CLVS1: variants seen among roughly 807,000 people sequenced by gnomAD.
CLVS1 encodes clavesin 1.
A neutral mutation model predicts 33.1 loss-of-function variants in CLVS1; 10 were observed. That is an observed-to-expected ratio of 0.30 (90% CI 0.19 to 0.51). The LOEUF is 0.51. CLVS1 is among the 20% of genes least tolerant of loss of function. The pLI is 0.97. For missense variants in CLVS1, 343 were observed against 433.4 expected, an observed-to-expected ratio of 0.79 and a Z score of 1.85; for synonymous variants, 163 against 166.1, an observed-to-expected ratio of 0.98 and a Z score of 0.14.
At chr8:61,325,264 G>T (rs1375487526) in intron 2 of CLVS1, among the ~76,000 whole-genome samples, 2 of 151,900 alleles carry the variant, frequency 1.3e-5, no homozygotes, top group African/African-American at 2.4e-5. Context: ...AACATGTTAG[G>T]TAACTTGATT....
At chr8:61,037,209 A>G in the CLVS1 span, among the ~76,000 whole-genome samples, 20 of 152,276 alleles carry the variant, frequency 1.3e-4, no homozygotes, top group African/African-American at 4.1e-4. Context: ...GCTCAGCTCA[A>G]TGGTCTAAAG....
At chr8:61,409,588 A>G (rs917972226) in intron 3 of CLVS1, among the ~76,000 whole-genome samples, 33 of 152,352 alleles carry the variant, frequency 2.2e-4, no homozygotes, top group Middle Eastern at 3.4e-3. Flanking sequence ...CCCTTTTGCT[A>G]CTACAACCAA....
intron 2 of CLVS1, among the ~76,000 whole-genome samples, chr8:61,162,540 G>C (rs996617707): frequency 2.6e-5 from 4 of 152,178 alleles, no homozygotes; most frequent in Admixed American, 6.5e-5. Flanking sequence ...AATTCCAGTT[G>C]AATGAATGGC....
the CLVS1 span, among the ~76,000 whole-genome samples, chr8:61,032,993 G>GAA: frequency 1.7e-3 from 80 of 47,904 alleles, no homozygotes; most frequent in African/African-American, 5.9e-3. Flanking sequence ...AGGAAGGAAG[G>GAA]AAAGAAAGAA....
At chr8:61,187,435 G>A (rs1190596663) in intron 2 of CLVS1, among the ~76,000 whole-genome samples, 2 of 152,024 alleles carry the variant, frequency 1.3e-5, no homozygotes, top group Non-Finnish European at 2.9e-5. Context: ...CCATTAAAAA[G>A]CCTTCAAATC....
At chr8:61,151,147 A>G (rs1806526149) in intron 2 of CLVS1, among the ~76,000 whole-genome samples, 1 of 152,202 alleles carries the variant, frequency 6.6e-6, no homozygotes, top group Non-Finnish European at 1.5e-5. Flanking sequence ...CAGAAAGGCA[A>G]TGAGAGGGGA....
intron 2 of CLVS1, among the ~76,000 whole-genome samples, chr8:61,172,595 T>C (rs544101209): frequency 1.3e-5 from 2 of 152,286 alleles, no homozygotes; most frequent in East Asian, 3.9e-4. Flanking sequence ...AATTATTTTA[T>C]AAAAATGTGA....
At chr8:61,407,755 CT>C (rs1452409243) in intron 3 of CLVS1, among the ~76,000 whole-genome samples, 2 of 152,070 alleles carry the variant, frequency 1.3e-5, no homozygotes, top group African/African-American at 4.8e-5. Flanking sequence ...TGAGAGAATT[CT>C]TTTTTAATTC....
intron 2 of CLVS1, among the ~76,000 whole-genome samples, chr8:61,349,974 G>T (rs760361966): frequency 6.6e-6 from 1 of 152,008 alleles, no homozygotes; most frequent in Non-Finnish European, 1.5e-5. Flanking sequence ...TTTCAGGAAG[G>T]TTTAATTTTA....
chr8:61,357,489 C>CTTTTATTTTTTTTTTTTTTTTTTTTTTT (rs1462908906), intron 2 of CLVS1, among the ~76,000 whole-genome samples: 3 of 30,284 alleles, frequency 9.9e-5, no homozygotes, highest in Non-Finnish European at 2.2e-4. Flanking sequence ...TTTCCTTTTT[C>CTTTTATTTTTTTTTTTTTTTTTTTTTTT]TTTTCTTTTT....
chr8:61,403,944 G>T (rs1814875682), intron 3 of CLVS1, among the ~76,000 whole-genome samples: 1 of 152,168 alleles, frequency 6.6e-6, no homozygotes, highest in Non-Finnish European at 1.5e-5. Context: ...AGTGGGCATT[G>T]AACAGTAGGA....
chr8:61,253,031 T>C (rs754991208), intron 2 of CLVS1, among the ~76,000 whole-genome samples: 5 of 152,226 alleles, frequency 3.3e-5, no homozygotes, highest in Non-Finnish European at 7.3e-5. Flanking sequence ...GTCTTTACAA[T>C]TTGGCATGTT....
At chr8:61,050,897 C>G in the CLVS1 span, among the ~76,000 whole-genome samples, 1 of 152,192 alleles carries the variant, frequency 6.6e-6, no homozygotes, top group African/African-American at 2.4e-5. Context: ...ACTTAATTAC[C>G]TTTCCTCTTC....
At chr8:61,207,339 A>C (rs79097812) in intron 2 of CLVS1, among the ~76,000 whole-genome samples, 8 of 31,888 alleles carry the variant, frequency 2.5e-4, no homozygotes, top group South Asian at 1.5e-3. Context: ...GAATGTGCAG[A>C]GGTGCATGGG....
At chr8:61,342,946 A>G (rs922774379) in intron 2 of CLVS1, among the ~76,000 whole-genome samples, 1 of 152,238 alleles carries the variant, frequency 6.6e-6, no homozygotes, top group Admixed American at 6.5e-5. Flanking sequence ...AGAAGAATGA[A>G]AAGTAGAGGG....
At chr8:61,343,140 A>T (rs971642850) in intron 2 of CLVS1, among the ~76,000 whole-genome samples, 2 of 152,218 alleles carry the variant, frequency 1.3e-5, no homozygotes, top group Admixed American at 6.5e-5. Flanking sequence ...ATTAGCTGGT[A>T]CAGCATGATT....
At chr8:60,994,023 G>A in the CLVS1 span, among the ~76,000 whole-genome samples, 9 of 152,286 alleles carry the variant, frequency 5.9e-5, no homozygotes, top group African/African-American at 1.9e-4. Context: ...ATTAGTCTGC[G>A]AGGGCTACCA....
chr8:61,206,546 C>T (rs2129306250), intron 2 of CLVS1, among the ~76,000 whole-genome samples: 1 of 152,060 alleles, frequency 6.6e-6, no homozygotes, highest in Middle Eastern at 3.4e-3. Context: ...TTGTTATGTA[C>T]TGCCTTACAG....
chr8:61,262,575 A>C (rs554800419), intron 2 of CLVS1, among the ~76,000 whole-genome samples: 12 of 152,194 alleles, frequency 7.9e-5, no homozygotes, highest in Non-Finnish European at 1.8e-4. Flanking sequence ...TTCTGAAAAG[A>C]GGAATTGTAC....
Sources: allele counts gnomAD v4.1 joint callset (sites outside exome capture counted in the v4.1 genomes callset), GRCh38; gene constraint gnomAD v4.1.1; transcripts MANE v1.5; gene names NCBI Gene and HGNC (gene_info 2026-07-23, HGNC 2026-07-21).